Variants in MNAT1 observed in about 807,000 individuals in gnomAD.
The protein encoded by MNAT1 is MNAT1 component of CDK activating kinase.
A neutral mutation model predicts 42.0 loss-of-function variants in MNAT1; 43 were observed. That is an observed-to-expected ratio of 1.02 (90% CI 0.80 to 1.32). The LOEUF is 1.32. MNAT1 is among the 40% of genes most tolerant of loss of function. The pLI, the probability that MNAT1 is intolerant of heterozygous loss-of-function variation, is 0.00. For missense variants in MNAT1, 306 were observed against 350.4 expected (o/e 0.87, Z 1.01); for synonymous variants, 118 against 120.0 (o/e 0.98, Z 0.11).
chr14:60,940,633 G>T (rs1474406219), intron 7 of MNAT1, among the ~76,000 whole-genome samples: 1 of 152,102 alleles, frequency 6.6e-6, no homozygotes, highest in Non-Finnish European at 1.5e-5. Context: ...TAGCCTGGAT[G>T]GTCTCAATCT....
At chr14:60,755,990 A>AT (rs1328340827) in intron 1 of MNAT1, among the ~76,000 whole-genome samples, 1 of 152,232 alleles carries the variant, frequency 6.6e-6, no homozygotes, top group Non-Finnish European at 1.5e-5. Flanking sequence ...CTGAACATAT[A>AT]TAAGTGAATT....
intron 6 of MNAT1, among the ~76,000 whole-genome samples, chr14:60,873,356 C>T (rs1388362647): frequency 6.6e-6 from 1 of 151,712 alleles, no homozygotes; most frequent in Non-Finnish European, 1.5e-5. Context: ...TAAAACATAC[C>T]CATTTTATAC....
chr14:60,761,419 C>T (rs1349904793), intron 1 of MNAT1, among the ~76,000 whole-genome samples: 1 of 152,140 alleles, frequency 6.6e-6, no homozygotes, highest in Non-Finnish European at 1.5e-5. Flanking sequence ...TAAGTGAAAA[C>T]TATAATTTAC....
intron 7 of MNAT1, among the ~76,000 whole-genome samples, chr14:60,935,890 C>T (rs1434897837): frequency 2.0e-5 from 3 of 152,040 alleles, no homozygotes; most frequent in Non-Finnish European, 4.4e-5. Flanking sequence ...GCTCTTGTCA[C>T]GCAACCAGGG....
At chr14:60,771,153 C>A (rs1171989970) in intron 1 of MNAT1, among the ~76,000 whole-genome samples, 1 of 152,110 alleles carries the variant, frequency 6.6e-6, no homozygotes, top group Non-Finnish European at 1.5e-5. Context: ...AGTTTACACT[C>A]CTATCAGCAG....
At chr14:60,913,603 G>C (rs777955514) in intron 7 of MNAT1, among the ~76,000 whole-genome samples, 7 of 152,156 alleles carry the variant, frequency 4.6e-5, no homozygotes, top group Non-Finnish European at 1.0e-4. Flanking sequence ...TCCAGACCCG[G>C]TTTGCCTGGG....
chr14:60,875,597 A>T (rs955371921), intron 6 of MNAT1, among the ~76,000 whole-genome samples: 8 of 152,258 alleles, frequency 5.3e-5, no homozygotes, highest in African/African-American at 1.7e-4. Flanking sequence ...GGATGCTGAG[A>T]TATACATACA....
At chr14:60,919,240 C>G (rs571322616) in intron 7 of MNAT1, 2 of 152,492 alleles carry the variant, frequency 1.3e-5, no homozygotes, top group Admixed American at 6.5e-5. Context: ...CACCTGGGCT[C>G]AGCTCAGATC....
At chr14:60,907,290 G>A (rs912263894) in intron 7 of MNAT1, among the ~76,000 whole-genome samples, 6 of 151,762 alleles carry the variant, frequency 4.0e-5, no homozygotes, top group South Asian at 2.1e-4. Flanking sequence ...AAAATTAGCC[G>A]GGTGTGGTGG....
chr14:60,957,453 T>C (rs1185049140), intron 7 of MNAT1, among the ~76,000 whole-genome samples: 1 of 152,152 alleles, frequency 6.6e-6, no homozygotes, highest in Non-Finnish European at 1.5e-5. Context: ...AACTCCCCTT[T>C]ATAAAACCAA....
At chr14:60,929,166 A>ATATATATATATATATAT (rs1355535249) in intron 7 of MNAT1, among the ~76,000 whole-genome samples, 1 of 106,684 alleles carries the variant, frequency 9.4e-6, no homozygotes, top group African/African-American at 4.4e-5. Context: ...AAAAAAAAAA[A>ATATATATATATATATAT]AAAAATATAT....
chr14:60,943,544 C>T (rs1396919302), intron 7 of MNAT1, among the ~76,000 whole-genome samples: 2 of 151,926 alleles, frequency 1.3e-5, no homozygotes, highest in East Asian at 1.9e-4. Context: ...TTCATATCAT[C>T]TCGTTAGAGT....
At chr14:60,889,487 C>T (rs1022558126) in intron 7 of MNAT1, among the ~76,000 whole-genome samples, 1 of 152,042 alleles carries the variant, frequency 6.6e-6, no homozygotes, top group Non-Finnish European at 1.5e-5. Flanking sequence ...AGATCTAAAA[C>T]CATAAAAACC....
chr14:60,931,301 G>T (rs1354415917), intron 7 of MNAT1, among the ~76,000 whole-genome samples: 2 of 152,178 alleles, frequency 1.3e-5, no homozygotes, highest in Non-Finnish European at 2.9e-5. Context: ...TTAGACACAA[G>T]TCTTTGTGTG....
intron 7 of MNAT1, among the ~76,000 whole-genome samples, chr14:60,904,957 A>G (rs2035161901): frequency 7.4e-6 from 1 of 135,384 alleles, no homozygotes; most frequent in Admixed American, 7.8e-5. Flanking sequence ...TGAGAAAACA[A>G]TAGATTGTTC....
At chr14:60,946,996 G>T (rs1188895580) in intron 7 of MNAT1, among the ~76,000 whole-genome samples, 1 of 152,170 alleles carries the variant, frequency 6.6e-6, no homozygotes, top group Non-Finnish European at 1.5e-5. Context: ...TTGTTCTCTG[G>T]TATCTGTTCT....
intron 7 of MNAT1, among the ~76,000 whole-genome samples, chr14:60,936,233 A>AT (rs557748522): frequency 4.7e-4 from 72 of 151,952 alleles, no homozygotes; most frequent in South Asian, 1.2e-3. Flanking sequence ...GTGTGTGTGC[A>AT]TTTTTTTTAT....
chr14:60,752,362 AT>A (rs1594723913), intron 1 of MNAT1, among the ~76,000 whole-genome samples: 2 of 152,134 alleles, frequency 1.3e-5, no homozygotes, highest in Non-Finnish European at 2.9e-5. Context: ...TAATATTTGC[AT>A]TTTTTAAAAA....
At chr14:60,956,851 CTT>C (rs1261678149) in intron 7 of MNAT1, among the ~76,000 whole-genome samples, 1 of 152,076 alleles carries the variant, frequency 6.6e-6, no homozygotes, top group Non-Finnish European at 1.5e-5. Context: ...CATGGAGTAT[CTT>C]CACTTTCATT....
Sources: allele counts gnomAD v4.1 joint callset (sites outside exome capture counted in the v4.1 genomes callset), GRCh38; gene constraint gnomAD v4.1.1; transcripts MANE v1.5; gene names NCBI Gene and HGNC (gene_info 2026-07-23, HGNC 2026-07-21).